ABTB3: variants seen among roughly 807,000 people sequenced by gnomAD.
The protein encoded by ABTB3 is ankyrin repeat and BTB domain containing 3.
At chr12:107,508,226 G>A in the ABTB3 span, among the ~76,000 whole-genome samples, 1 of 151,780 alleles carries the variant, frequency 6.6e-6, no homozygotes, top group African/African-American at 2.4e-5. Flanking sequence ...GCACATAGGA[G>A]ATGCTGAAAA....
the ABTB3 span, among the ~76,000 whole-genome samples, chr12:107,571,467 C>A: frequency 6.6e-6 from 1 of 152,256 alleles, no homozygotes; most frequent in Non-Finnish European, 1.5e-5. Flanking sequence ...GAAGCAGGCC[C>A]ACATGGCCCC....
the ABTB3 span, among the ~76,000 whole-genome samples, chr12:107,575,751 T>C: frequency 6.6e-6 from 1 of 152,178 alleles, no homozygotes; most frequent in Non-Finnish European, 1.5e-5. Flanking sequence ...ACCCTTGTGA[T>C]TGCATTTAGG....
At chr12:107,619,076 G>T in the ABTB3 span, among the ~76,000 whole-genome samples, 2 of 152,178 alleles carry the variant, frequency 1.3e-5, no homozygotes, top group African/African-American at 4.8e-5. Flanking sequence ...TAAACACAGG[G>T]TGTGGCAGAT....
At chr12:107,376,712 C>T in the ABTB3 span, among the ~76,000 whole-genome samples, 2 of 151,608 alleles carry the variant, frequency 1.3e-5, no homozygotes, top group African/African-American at 4.8e-5. Flanking sequence ...TGGCCCAGAG[C>T]AAACAGTTTT....
chr12:107,610,001 C>T, the ABTB3 span: 2 of 645,890 alleles, frequency 3.1e-6, no homozygotes, highest in South Asian at 1.9e-5. Context: ...GGAGACTAGA[C>T]AGATTCACAG....
chr12:107,490,649 A>G, the ABTB3 span, among the ~76,000 whole-genome samples: 3 of 152,184 alleles, frequency 2.0e-5, no homozygotes, highest in African/African-American at 4.8e-5. Flanking sequence ...ATTTAAATGT[A>G]TAATGCATTT....
chr12:107,390,914 G>T, the ABTB3 span, among the ~76,000 whole-genome samples: 2 of 152,166 alleles, frequency 1.3e-5, no homozygotes, highest in Non-Finnish European at 2.9e-5. Context: ...ACTTTGGGAG[G>T]CCAAAGTGGG....
the ABTB3 span, among the ~76,000 whole-genome samples, chr12:107,410,874 G>C: frequency 5.3e-5 from 8 of 152,182 alleles, no homozygotes; most frequent in Non-Finnish European, 1.2e-4. Flanking sequence ...CAAGCTGCAG[G>C]TGGAATTTGG....
chr12:107,591,760 T>A, the ABTB3 span, among the ~76,000 whole-genome samples: 1 of 152,244 alleles, frequency 6.6e-6, no homozygotes, highest in Non-Finnish European at 1.5e-5. Flanking sequence ...AGAGCCTGCA[T>A]GGATCAGACC....
the ABTB3 span, among the ~76,000 whole-genome samples, chr12:107,585,884 C>T: frequency 6.6e-6 from 1 of 152,186 alleles, no homozygotes; most frequent in African/African-American, 2.4e-5. Context: ...GAATTCCAAC[C>T]CTTGGTGTCA....
the ABTB3 span, among the ~76,000 whole-genome samples, chr12:107,504,619 T>C: frequency 3.9e-5 from 6 of 152,242 alleles, no homozygotes; most frequent in African/African-American, 1.4e-4. Flanking sequence ...CTTGGGTGAC[T>C]CAGGATCTTC....
the ABTB3 span, among the ~76,000 whole-genome samples, chr12:107,428,774 T>C: frequency 6.6e-6 from 1 of 152,254 alleles, no homozygotes; most frequent in African/African-American, 2.4e-5. Flanking sequence ...CAAAATCCAA[T>C]TAAAATAGTA....
the ABTB3 span, among the ~76,000 whole-genome samples, chr12:107,641,016 G>A: frequency 6.6e-6 from 1 of 152,182 alleles, no homozygotes; most frequent in African/African-American, 2.4e-5. Flanking sequence ...GAATGATGCT[G>A]AAATGAAGAA....
At chr12:107,604,475 T>G in the ABTB3 span, among the ~76,000 whole-genome samples, 1 of 152,150 alleles carries the variant, frequency 6.6e-6, no homozygotes, top group African/African-American at 2.4e-5. Flanking sequence ...ATGTCATTTC[T>G]CAAAAGAAGA....
At chr12:107,523,921 T>A in the ABTB3 span, among the ~76,000 whole-genome samples, 2 of 152,190 alleles carry the variant, frequency 1.3e-5, no homozygotes, top group South Asian at 4.1e-4. Flanking sequence ...CCACACACAC[T>A]GTCCCTAAGG....
At chr12:107,398,816 A>AAT in the ABTB3 span, among the ~76,000 whole-genome samples, 1 of 152,246 alleles carries the variant, frequency 6.6e-6, no homozygotes, top group African/African-American at 2.4e-5. Context: ...TGCCATTTAC[A>AAT]AAACACGGTT....
the ABTB3 span, among the ~76,000 whole-genome samples, chr12:107,639,389 C>T: frequency 6.6e-6 from 1 of 152,116 alleles, no homozygotes; most frequent in African/African-American, 2.4e-5. Context: ...AGGATGGCTC[C>T]TGCAGTGAGG....
chr12:107,548,604 C>T, the ABTB3 span, among the ~76,000 whole-genome samples: 1 of 152,124 alleles, frequency 6.6e-6, no homozygotes, highest in Non-Finnish European at 1.5e-5. Flanking sequence ...ACTTTGGCTA[C>T]TATTTCTTGA....
At chr12:107,536,420 A>C in the ABTB3 span, among the ~76,000 whole-genome samples, 1 of 152,206 alleles carries the variant, frequency 6.6e-6, no homozygotes, top group Non-Finnish European at 1.5e-5. Flanking sequence ...GCTTCTGTGC[A>C]TCAAAGGAAA....
Sources: gnomAD v4.1 joint callset for allele counts (sites outside exome capture counted in the v4.1 genomes callset) on GRCh38, gnomAD v4.1.1 for gene constraint, MANE v1.5 for transcripts, NCBI Gene and HGNC (gene_info 2026-07-23, HGNC 2026-07-21) for gene names.